VTI1A: variants seen among roughly 807,000 people sequenced by gnomAD.
The protein encoded by VTI1A is vesicle transport through interaction with t-SNAREs 1A.
VTI1A carries 22 observed loss-of-function variants against 34.9 expected under a neutral mutation model. The observed-to-expected ratio is 0.63, with a 90% CI of 0.45 to 0.90. VTI1A has a LOEUF of 0.90. Among genes scored for constraint, VTI1A ranks in the 40% least tolerant of loss-of-function variants. VTI1A has a pLI of 0.00. For synonymous variants in VTI1A, 87 were observed against 97.3 expected, an observed-to-expected ratio of 0.89 and a Z score of 0.62; for missense variants, 268 against 275.6, an observed-to-expected ratio of 0.97 and a Z score of 0.20.
intron 7 of VTI1A, among the ~76,000 whole-genome samples, chr10:112,729,251 C>T (rs12776791): frequency 0.16 from 24,623 of 152,136 alleles, 2,331 homozygotes; most frequent in Middle Eastern, 0.23. Context: ...ATTAACTTTT[C>T]TAACACTCTT....
intron 7 of VTI1A, among the ~76,000 whole-genome samples, chr10:112,799,611 A>G (rs952298371): frequency 7.2e-5 from 11 of 152,102 alleles, no homozygotes; most frequent in African/African-American, 2.2e-4. Flanking sequence ...ATGTCTTCCC[A>G]GGCTGGCAGG....
intron 5 of VTI1A, among the ~76,000 whole-genome samples, chr10:112,609,187 A>G (rs1385151293): frequency 6.6e-6 from 1 of 152,172 alleles, no homozygotes; most frequent in African/African-American, 2.4e-5. Context: ...AAAGCTGGGC[A>G]TATGCTTTGG....
intron 7 of VTI1A, among the ~76,000 whole-genome samples, chr10:112,696,082 TAGAG>T (rs1211987279): frequency 7.2e-6 from 1 of 139,846 alleles, no homozygotes; most frequent in Non-Finnish European, 1.5e-5. Flanking sequence ...AAAATGTAAT[TAGAG>T]AGAATGATTA....
At chr10:112,464,796 GA>G in intron 3 of VTI1A, 139 bp downstream of exon 3, 1 of 713,856 alleles carries the variant, frequency 1.4e-6, no homozygotes, top group South Asian at 1.9e-5. Flanking sequence ...ATGAGTTAGG[GA>G]TCTAAAAAAT....
Position 112,624,129 on chromosome 10 carries a change from A to G in VTI1A, c.428-44089A>G, listed in dbSNP as rs542835441. On this transcript the variant is annotated intron_variant, in intron 5 of 7. Transcript: ENST00000393077. ...TTACCCATATTTATAATATGTTGCT[A>G]ATTAGCAGTCACTGTCCTTGTGATC... is the stretch of plus-strand genomic sequence containing the variant. Among the ~76,000 whole-genome samples the G allele has an allele frequency of 3.5e-4, 54 of 152,306 alleles. 4 individuals carry two copies. In the South Asian group the frequency reaches 9.5e-3, roughly 27 times the overall value.
intron 3 of VTI1A, among the ~76,000 whole-genome samples, chr10:112,517,607 A>C (rs1394902403): frequency 6.6e-6 from 1 of 152,130 alleles, no homozygotes; most frequent in African/African-American, 2.4e-5. Context: ...AATCAAGGTC[A>C]GCATCAACAG....
chr10:112,736,641 G>T (rs1850485559), intron 7 of VTI1A: 1 of 1,526,650 alleles, frequency 6.6e-7, no homozygotes, highest in Non-Finnish European at 8.8e-7. Context: ...GCCAAAATTG[G>T]AAACAAGTAT....
intron 3 of VTI1A, among the ~76,000 whole-genome samples, chr10:112,503,719 G>C (rs929903383): frequency 2.0e-5 from 3 of 152,304 alleles, no homozygotes; most frequent in Non-Finnish European, 1.5e-5. Context: ...TGATTGGTCA[G>C]TTTTGAAAGT....
intron 5 of VTI1A, among the ~76,000 whole-genome samples, chr10:112,639,675 T>C (rs1467313778): frequency 1.3e-5 from 2 of 152,218 alleles, no homozygotes; most frequent in Non-Finnish European, 2.9e-5. Flanking sequence ...TGAATTGATA[T>C]TGGAATACAA....
chr10:112,853,735 C>A, the VTI1A span, among the ~76,000 whole-genome samples: 3 of 152,110 alleles, frequency 2.0e-5, no homozygotes, highest in African/African-American at 7.2e-5. Context: ...AAAATAAAAA[C>A]AAAACTTGCC....
chr10:112,486,907 G>T (rs1041262422), intron 3 of VTI1A, among the ~76,000 whole-genome samples: 4 of 150,822 alleles, frequency 2.7e-5, no homozygotes, highest in South Asian at 4.2e-4. Context: ...AGTGATTTTT[G>T]ATTTTGCCAC....
chr10:112,569,680 A>C (rs1487901794), intron 5 of VTI1A, among the ~76,000 whole-genome samples: 1 of 152,200 alleles, frequency 6.6e-6, no homozygotes, highest in Admixed American at 6.5e-5. Context: ...TGGTGCTGTG[A>C]AGAGCATGCC....
At chr10:112,506,561 C>T (rs903560077) in intron 3 of VTI1A, among the ~76,000 whole-genome samples, 1 of 152,202 alleles carries the variant, frequency 6.6e-6, no homozygotes, top group Admixed American at 6.5e-5. Flanking sequence ...AGACGTTACA[C>T]ACTGGAATTC....
chr10:112,645,333 G>T (rs908047694), intron 5 of VTI1A, among the ~76,000 whole-genome samples: 2 of 152,178 alleles, frequency 1.3e-5, no homozygotes, highest in Non-Finnish European at 2.9e-5. Flanking sequence ...ATTATGGGGT[G>T]TAAATGGGTA....
the VTI1A span, among the ~76,000 whole-genome samples, chr10:112,842,097 C>T: frequency 8.3e-6 from 1 of 119,830 alleles, no homozygotes; most frequent in African/African-American, 3.3e-5. Context: ...GAGTCTCACC[C>T]TGTCTCCCAG....
intron 7 of VTI1A, among the ~76,000 whole-genome samples, chr10:112,757,871 C>G (rs1441841535): frequency 6.6e-6 from 1 of 152,104 alleles, no homozygotes; most frequent in Non-Finnish European, 1.5e-5. Context: ...ACAAAACATG[C>G]AAATAGAATT....
intron 7 of VTI1A, among the ~76,000 whole-genome samples, chr10:112,775,827 T>A (rs1851941078): frequency 6.6e-6 from 1 of 152,192 alleles, no homozygotes; most frequent in Admixed American, 6.5e-5. Context: ...CCTCCAAATA[T>A]GTGGGTTTTA....
intron 7 of VTI1A, among the ~76,000 whole-genome samples, chr10:112,694,386 G>GTGGATGGA (rs992377962): frequency 1.4e-5 from 2 of 147,638 alleles, no homozygotes; most frequent in African/African-American, 5.3e-5. Flanking sequence ...GGATGGATGG[G>GTGGATGGA]TGGATGGATG....
At chr10:112,669,130 G>A in intron 7 of VTI1A, 132 bp downstream of exon 7, 1 of 934,978 alleles carries the variant, frequency 1.1e-6, no homozygotes, top group South Asian at 1.6e-5. Context: ...GGACCCATTT[G>A]AAATAACAGA....
Sources: gnomAD v4.1 joint callset for allele counts (sites outside exome capture counted in the v4.1 genomes callset) on GRCh38, gnomAD v4.1.1 for gene constraint, MANE v1.5 for transcripts, NCBI Gene and HGNC (gene_info 2026-07-23, HGNC 2026-07-21) for gene names.